Variants in SFI1 observed in about 807,000 individuals in gnomAD.
SFI1 encodes the protein SFI1 centrin binding protein.
A neutral mutation model predicts 207.5 loss-of-function variants in SFI1; 195 were observed. That is an observed-to-expected ratio of 0.94 (90% CI 0.84 to 1.06). The LOEUF (loss-of-function observed/expected upper bound fraction) is 1.06. Among genes scored for constraint, SFI1 ranks in the 50% least tolerant of loss-of-function variants. The pLI is 0.00. For missense variants in SFI1, 1,634 were observed against 1,588.0 expected, an observed-to-expected ratio of 1.03 and a Z score of -0.49; for synonymous variants, 630 against 598.9, an observed-to-expected ratio of 1.05 and a Z score of -0.76.
intron 4 of SFI1, among the ~76,000 whole-genome samples, chr22:31,531,357 G>C (rs931251754): frequency 6.6e-6 from 1 of 152,134 alleles, no homozygotes; most frequent in Non-Finnish European, 1.5e-5. Flanking sequence ...CTACAAAGTA[G>C]CCAGTAAAGG....
chr22:31,558,699 G>A (rs914715881), intron 7 of SFI1, among the ~76,000 whole-genome samples: 1 of 152,028 alleles, frequency 6.6e-6, no homozygotes, highest in African/African-American at 2.4e-5. Context: ...GCCTTGTCTC[G>A]AACTCCTGAC....
intron 8 of SFI1, among the ~76,000 whole-genome samples, chr22:31,564,103 G>A (rs113281076): frequency 0.044 from 6,706 of 151,536 alleles, 131 homozygotes; most frequent in Non-Finnish European, 0.05. Context: ...TGAGGTGGGC[G>A]GATCATGAGG....
chr22:31,501,238 C>T (rs555544937), intron 1 of SFI1, among the ~76,000 whole-genome samples: 1 of 150,292 alleles, frequency 6.7e-6, no homozygotes, highest in South Asian at 2.1e-4. Flanking sequence ...GTGGCGTGAT[C>T]TTGGCTCACT....
At position 31,613,541 on chromosome 22, in the gene SFI1, G is replaced by C; in HGVS notation, c.2742+11G>C. On this transcript the variant is annotated intron_variant, in intron 26 of 32. Transcript: ENST00000400288. ...CAGCAGCAGGTCCAGGTAGGCCCAG[G>C]GCCCCTTCCTGTGGGGAGCAGGCAG... 6.3e-7 allele frequency: 1 copy of C among 1,582,928 alleles called. No individual in the cohort carries two copies. Among genetic ancestry groups the C allele is most frequent in the Non-Finnish European group, 8.6e-7 (1 of 1,166,224 alleles).
chr22:31,577,980 GA>G (rs762764199), intron 10 of SFI1: 1 of 154,104 alleles, frequency 6.5e-6, no homozygotes, highest in Non-Finnish European at 1.4e-5. Flanking sequence ...AGAGTGGGAG[GA>G]GAAAAGGTTT....
intron 1 of SFI1, among the ~76,000 whole-genome samples, chr22:31,502,987 A>G (rs1475798628): frequency 6.9e-6 from 1 of 145,370 alleles, no homozygotes; most frequent in South Asian, 2.2e-4. Flanking sequence ...CCCAGGAGGC[A>G]GAGTTTGCAG....
Position 31,611,139 on chromosome 22 carries a change from T to G in SFI1, c.2255-4T>G, listed in dbSNP as rs781118173. On this transcript the variant is annotated splice_polypyrimidine_tract_variant and splice_region_variant and intron_variant, in intron 22 of 32. Transcript: ENST00000400288. ...CAGCAAACTCTGACTTGGATCTGCC[T>G]TAGGCTGTCTGCGGACCTGGTTTCA... 9.9e-6 allele frequency: 16 copies of G among 1,614,106 alleles called. No individual in the cohort carries two copies. The South Asian group carries it at 1.8e-4, about 18-fold the overall frequency.
intron 12 of SFI1, among the ~76,000 whole-genome samples, chr22:31,581,993 C>T (rs919289862): frequency 6.6e-6 from 1 of 151,482 alleles, no homozygotes; most frequent in African/African-American, 2.4e-5. Context: ...GATTCCCTAA[C>T]ATTAATATCT....
intron 2 of SFI1, among the ~76,000 whole-genome samples, chr22:31,509,387 C>G (rs1368482672): frequency 6.6e-6 from 1 of 152,206 alleles, no homozygotes; most frequent in Non-Finnish European, 1.5e-5. Flanking sequence ...TGGCCAAAGG[C>G]TTGTGAGCCC....
chr22:31,608,859 T>G (rs990391663), intron 22 of SFI1, among the ~76,000 whole-genome samples: 1 of 152,058 alleles, frequency 6.6e-6, no homozygotes, highest in Admixed American at 6.5e-5. Flanking sequence ...TTGGAAAGAT[T>G]GCAGGGCACA....
At chr22:31,614,927 A>G in intron 28 of SFI1, 67 bp downstream of exon 28, 1 of 1,587,452 alleles carries the variant, frequency 6.3e-7, no homozygotes, top group Non-Finnish European at 8.6e-7. Context: ...GGCAGCGGGC[A>G]CCTCCATGTG....
intron 2 of SFI1, among the ~76,000 whole-genome samples, chr22:31,514,079 A>C (rs1328101504): frequency 6.7e-6 from 1 of 149,172 alleles, no homozygotes; most frequent in Non-Finnish European, 1.5e-5. Context: ...GGTTGCAGTG[A>C]GCCGAGATTG....
At chr22:31,549,158 C>G (rs1162110684) in intron 5 of SFI1, among the ~76,000 whole-genome samples, 1 of 151,362 alleles carries the variant, frequency 6.6e-6, no homozygotes, top group African/African-American at 2.4e-5. Flanking sequence ...AGTGGTGGTG[C>G]GTTCCTGTAG....
At chr22:31,573,766 G>A (rs1163504599) in intron 9 of SFI1, among the ~76,000 whole-genome samples, 1 of 152,182 alleles carries the variant, frequency 6.6e-6, no homozygotes, top group South Asian at 2.1e-4. Flanking sequence ...TCTAAATAGG[G>A]TTTTCATTTT....
intron 12 of SFI1, among the ~76,000 whole-genome samples, chr22:31,580,979 G>C (rs1249367484): frequency 1.3e-5 from 2 of 151,996 alleles, no homozygotes; most frequent in East Asian, 3.9e-4. Context: ...CCTGACCTAG[G>C]GGATATAGTG....
chr22:31,506,017 A>T (rs1601840052), intron 1 of SFI1, among the ~76,000 whole-genome samples: 1 of 151,064 alleles, frequency 6.6e-6, no homozygotes. Context: ...GCACTGCTGC[A>T]TTCCAGCCTG....
At chr22:31,601,193 GGCTCACTGCAA>G (rs1181004363) in intron 15 of SFI1, among the ~76,000 whole-genome samples, 1 of 144,864 alleles carries the variant, frequency 6.9e-6, no homozygotes, top group African/African-American at 2.6e-5. Flanking sequence ...GCACGATCTC[GGCTCACTGCAA>G]GCTCCGCCTC....
At chr22:31,573,281 TG>T in intron 9 of SFI1, 67 bp downstream of exon 9, 1 of 1,564,186 alleles carries the variant, frequency 6.4e-7, no homozygotes, top group Middle Eastern at 1.7e-4. Context: ...CTGCTGCCAG[TG>T]GTACTGTACT....
chr22:31,604,851 C>T lies in SFI1; in HGVS notation c.1978-18C>T. The T allele has an allele frequency of 6.2e-7, 1 of 1,607,940 alleles. No homozygotes were observed. The highest frequency in any genetic ancestry group is 2.3e-5 in the East Asian group (1 of 44,384). On this transcript the variant is annotated intron_variant, in intron 19 of 32. Coordinates refer to ENST00000400288, the MANE Select transcript of SFI1 (RefSeq NM_001007467.3). ...GTGTGGGCCCAAGAGCAGCCTCAGT[C>T]TTCCTTGTCCCCTACAGACTTACCA...
Sources: allele counts gnomAD v4.1 joint callset (sites outside exome capture counted in the v4.1 genomes callset), GRCh38; gene constraint gnomAD v4.1.1; transcripts MANE v1.5; gene names NCBI Gene and HGNC (gene_info 2026-07-23, HGNC 2026-07-21).